TSPAN5: variants seen among roughly 807,000 people sequenced by gnomAD.
The protein encoded by TSPAN5 is tetraspanin-5.
TSPAN5 carries 10 observed loss-of-function variants against 37.1 expected under a neutral mutation model. That is an observed-to-expected ratio of 0.27 (90% CI 0.17 to 0.46). TSPAN5 has a LOEUF of 0.46. Among genes scored for constraint, TSPAN5 ranks in the 20% least tolerant of loss-of-function variants. The probability of loss-of-function intolerance (pLI) is 1.00; values close to 1 mark genes in which losing one functional copy is unlikely to be tolerated. For missense variants in TSPAN5, 195 were observed against 326.6 expected, an observed-to-expected ratio of 0.60 and a Z score of 3.11; for synonymous variants, 110 against 118.9, an observed-to-expected ratio of 0.93 and a Z score of 0.48.
At chr4:98,533,081 T>C (rs1196739435) in intron 1 of TSPAN5, among the ~76,000 whole-genome samples, 4 of 152,218 alleles carry the variant, frequency 2.6e-5, no homozygotes, top group African/African-American at 7.2e-5. Context: ...TGCTGCTGGA[T>C]TCTGTTTGCC....
At chr4:98,569,290 C>T (rs891220833) in intron 1 of TSPAN5, among the ~76,000 whole-genome samples, 1 of 152,196 alleles carries the variant, frequency 6.6e-6, no homozygotes, top group Non-Finnish European at 1.5e-5. Flanking sequence ...AGCAGACAAT[C>T]TGGTTTTATA....
intron 1 of TSPAN5, among the ~76,000 whole-genome samples, chr4:98,652,589 G>A (rs746324981): frequency 1.2e-4 from 18 of 152,086 alleles, no homozygotes; most frequent in Non-Finnish European, 2.4e-4. Context: ...CTATCATTAC[G>A]GAAGAGACTT....
chr4:98,633,488 T>A (rs1207726231), intron 1 of TSPAN5, among the ~76,000 whole-genome samples: 1 of 152,206 alleles, frequency 6.6e-6, no homozygotes, highest in African/African-American at 2.4e-5. Flanking sequence ...ACAGAGATGG[T>A]ATTCAAATCT....
chr4:98,575,031 G>GCCAGAGCCAGA, intron 1 of TSPAN5: 3 of 155,450 alleles, frequency 1.9e-5, no homozygotes, highest in East Asian at 1.9e-4. Flanking sequence ...TGCAGACAAG[G>GCCAGAGCCAGA]GCCAGAGCCA....
chr4:98,594,161 T>C (rs1370976812), intron 1 of TSPAN5, among the ~76,000 whole-genome samples: 1 of 126,612 alleles, frequency 7.9e-6, no homozygotes, highest in Non-Finnish European at 1.6e-5. Context: ...TCACATCCCT[T>C]GTAAGTTGGA....
chr4:98,568,462 A>G (rs1363014472), intron 1 of TSPAN5, among the ~76,000 whole-genome samples: 1 of 151,800 alleles, frequency 6.6e-6, no homozygotes, highest in Admixed American at 6.6e-5. Context: ...GAATCGTTTG[A>G]ACCCAGAAGG....
At chr4:98,528,057 C>CA (rs1246741439) in intron 1 of TSPAN5, among the ~76,000 whole-genome samples, 1 of 152,180 alleles carries the variant, frequency 6.6e-6, no homozygotes, top group African/African-American at 2.4e-5. Flanking sequence ...AATTGCCCAA[C>CA]AGGCAGAGAG....
At chr4:98,627,809 T>C (rs972827569) in intron 1 of TSPAN5, among the ~76,000 whole-genome samples, 2 of 151,888 alleles carry the variant, frequency 1.3e-5, no homozygotes, top group South Asian at 2.1e-4. Context: ...GGGTTGAAAA[T>C]AGAAAAAGTA....
At chr4:98,585,826 T>C (rs1372335634) in intron 1 of TSPAN5, among the ~76,000 whole-genome samples, 1 of 152,236 alleles carries the variant, frequency 6.6e-6, no homozygotes, top group Non-Finnish European at 1.5e-5. Context: ...TTCACCTCTC[T>C]GGGTGCCAAT....
intron 1 of TSPAN5, among the ~76,000 whole-genome samples, chr4:98,583,745 G>T (rs192136812): frequency 6.6e-6 from 1 of 152,174 alleles, no homozygotes; most frequent in Non-Finnish European, 1.5e-5. Context: ...GGTGATTTGG[G>T]AATAGCAACT....
Position 98,658,250 on chromosome 4 carries a change from G to T in TSPAN5, c.-24C>A. 3 of 1,599,440 alleles carry T rather than the reference G, an allele frequency of 1.9e-6. No individual in the cohort carries two copies. Among genetic ancestry groups the T allele is most frequent in the Non-Finnish European group, 2.6e-6 (3 of 1,166,730 alleles). ...ATCCTCTGGGTTCATGAAGACACTT[G>T]CCCCGGCAGCCCGAGTTTGGAGCTC... On this transcript the variant is annotated 5_prime_UTR_variant, in exon 1 of 8. Transcript: ENST00000305798.
intron 7 of TSPAN5, among the ~76,000 whole-genome samples, chr4:98,475,189 A>AT (rs1052639549): frequency 7.2e-5 from 11 of 152,174 alleles, no homozygotes; most frequent in African/African-American, 2.7e-4. Flanking sequence ...CAGCTTGTCC[A>AT]TTTTTGCTAA....
chr4:98,518,779 C>G (rs1292256699), intron 1 of TSPAN5, among the ~76,000 whole-genome samples: 1 of 152,198 alleles, frequency 6.6e-6, no homozygotes, highest in Non-Finnish European at 1.5e-5. Context: ...CCTACTACAT[C>G]AGAAACTCTG....
intron 1 of TSPAN5, among the ~76,000 whole-genome samples, chr4:98,641,305 C>A (rs1354577429): frequency 6.6e-6 from 1 of 152,082 alleles, no homozygotes; most frequent in African/African-American, 2.4e-5. Flanking sequence ...CTTCAAACAC[C>A]TAATAACTTG....
chr4:98,539,969 T>C lies in TSPAN5; in HGVS notation c.82-32241A>G, dbSNP rs924817152. On this transcript the variant is annotated intron_variant, in intron 1 of 7. Coordinates refer to ENST00000305798, the MANE Select transcript of TSPAN5 (RefSeq NM_005723.4). ...CCATATGGCAAGAACTGAAGTCTCC[T>C]GCCAACACTCACGTGAGTTTGAAAG... 2.6e-5 allele frequency among the ~76,000 whole-genome samples: 4 copies of C among 152,266 alleles called. No individual in the cohort carries two copies. In the South Asian group the frequency reaches 8.3e-4, roughly 32 times the overall value.
At chr4:98,507,100 T>C (rs1753494968) in intron 2 of TSPAN5, among the ~76,000 whole-genome samples, 1 of 152,224 alleles carries the variant, frequency 6.6e-6, no homozygotes, top group Non-Finnish European at 1.5e-5. Context: ...TTTATTATAC[T>C]GTATTTGATC....
At chr4:98,481,921 G>C in intron 4 of TSPAN5, 84 bp downstream of exon 4, 1 of 1,391,890 alleles carries the variant, frequency 7.2e-7, no homozygotes, top group Non-Finnish European at 1.0e-6. Context: ...CCAGCTGGCA[G>C]ATGCAGAAAC....
chr4:98,613,365 G>T (rs1187564004), intron 1 of TSPAN5, among the ~76,000 whole-genome samples: 1 of 152,094 alleles, frequency 6.6e-6, no homozygotes, highest in African/African-American at 2.4e-5. Context: ...GGTATTTCCA[G>T]ATATGTTTAC....
chr4:98,517,476 T>A (rs2110113081), intron 1 of TSPAN5, among the ~76,000 whole-genome samples: 1 of 152,200 alleles, frequency 6.6e-6, no homozygotes, highest in African/African-American at 2.4e-5. Context: ...GTTCTCTGTT[T>A]TCCCAGAGGA....
Sources: gnomAD v4.1 joint callset for allele counts (sites outside exome capture counted in the v4.1 genomes callset) on GRCh38, gnomAD v4.1.1 for gene constraint, MANE v1.5 for transcripts, NCBI Gene and HGNC (gene_info 2026-07-23, HGNC 2026-07-21) for gene names.